The following MMP16 variants were observed in gnomAD, a reference collection of about 807,000 sequenced individuals.
MMP16 encodes matrix metallopeptidase 16, also known as matrix metalloproteinase-16.
Under a neutral mutation model 67.8 loss-of-function variants are expected in MMP16, and 12 were observed. The ratio of observed to expected loss-of-function variants is 0.18; its 90% CI spans 0.11 to 0.29. The LOEUF is 0.29. MMP16 is among the 10% of genes least tolerant of loss of function. The probability of loss-of-function intolerance (pLI) is 1.00; values close to 1 mark genes in which losing one functional copy is unlikely to be tolerated. For synonymous variants in MMP16, 249 were observed against 255.9 expected, an observed-to-expected ratio of 0.97 and a Z score of 0.26; for missense variants, 475 against 765.7, an observed-to-expected ratio of 0.62 and a Z score of 4.48.
Position 88,283,717 on chromosome 8 carries a change from A to G in MMP16, c.132+43358T>C, listed in dbSNP as rs766007969. ...AAACCAAACAACCAAAAATGCTTTA[A>G]AATTTTTTATTAATAATCATGAGGT... is the stretch of plus-strand genomic sequence containing the variant. On this transcript the variant is annotated intron_variant, in intron 1 of 9. Coordinates refer to ENST00000286614, the MANE Select transcript of MMP16 (RefSeq NM_005941.5). Among the ~76,000 whole-genome samples, 113 of 152,192 alleles carry G rather than the reference A, an allele frequency of 7.4e-4. 1 individual carries two copies. The highest frequency in any genetic ancestry group is 1.3e-3 in the Non-Finnish European group (86 of 68,042).
chr8:88,321,454 TA>T (rs1811458811), intron 1 of MMP16, among the ~76,000 whole-genome samples: 1 of 152,198 alleles, frequency 6.6e-6, no homozygotes, highest in South Asian at 2.1e-4. Context: ...AATTAATTTT[TA>T]AGGTTTGCTA....
chr8:88,104,488 G>C (rs1350637169), intron 6 of MMP16, among the ~76,000 whole-genome samples: 1 of 151,576 alleles, frequency 6.6e-6, no homozygotes, highest in Non-Finnish European at 1.5e-5. Context: ...TGATGATGTA[G>C]CCATCATAAC....
At chr8:88,131,262 GTAT>G (rs2076403057) in intron 4 of MMP16, among the ~76,000 whole-genome samples, 1 of 115,276 alleles carries the variant, frequency 8.7e-6, no homozygotes, top group Non-Finnish European at 1.8e-5. Context: ...ACTATCTATA[GTAT>G]TATACACACA....
intron 1 of MMP16, among the ~76,000 whole-genome samples, chr8:88,318,457 C>T (rs73692226): frequency 0.066 from 9,975 of 152,062 alleles, 545 homozygotes; most frequent in Admixed American, 0.12. Context: ...AATATTTTTC[C>T]ACTATACATA....
chr8:88,056,149 G>A lies in MMP16; in HGVS notation c.1352C>T (p.Thr451Ile). 1 of 1,578,694 alleles carries A rather than the reference G, an allele frequency of 6.3e-7. No homozygotes were observed. Among genetic ancestry groups the A allele is most frequent in the Non-Finnish European group, 8.6e-7 (1 of 1,160,042 alleles). The change falls in exon 8 of 10, where the codon ACC becomes ATC. Residue 451 changes from threonine (T) to isoleucine (I), a missense_variant. Thr to Ile is a moderately conservative substitution (Grantham distance 89). This residue lies in a region of MMP16 where 195 missense variants were observed against 300.9 expected (regional missense o/e 0.65). Transcript: ENST00000286614. ...SAIWWEDVGKTYFFKGDRYWR... is the reference protein window; with the variant it reads ...SAIWWEDVGKIYFFKGDRYWR... Reference sequence around the variant, plus strand: ...TGACCTGTCTCCCTTGAAGAAATAGGTTTTCCCGACGTCCTCCCACCAAAT... The same window carrying A: ...TGACCTGTCTCCCTTGAAGAAATAGATTTTCCCGACGTCCTCCCACCAAAT...
chr8:88,269,987 G>C (rs1810540208), intron 1 of MMP16, among the ~76,000 whole-genome samples: 1 of 152,132 alleles, frequency 6.6e-6, no homozygotes, highest in Non-Finnish European at 1.5e-5. Context: ...TATTTAGTTA[G>C]AATCAAGTAT....
intron 1 of MMP16, among the ~76,000 whole-genome samples, chr8:88,296,955 A>T (rs190530399): frequency 2.4e-4 from 36 of 152,130 alleles, no homozygotes; most frequent in African/African-American, 7.9e-4. Flanking sequence ...AAAAAAAAGC[A>T]AATTCAAAAT....
intron 1 of MMP16, among the ~76,000 whole-genome samples, chr8:88,233,412 T>G (rs1386225866): frequency 2.0e-5 from 3 of 152,138 alleles, no homozygotes; most frequent in Non-Finnish European, 2.9e-5. Flanking sequence ...CTCACCATAA[T>G]GTCCTATCCT....
rs114838147 is a variant in MMP16, at chr8:88,262,346, A to G, written c.132+64729T>C. On this transcript the variant is annotated intron_variant, in intron 1 of 9. Coordinates refer to ENST00000286614, the MANE Select transcript of MMP16 (RefSeq NM_005941.5). ...GTGTTTGTATTTGATTTGATTCTCA[A>G]GATTTTCCAAGAGCTTGGCATGTTG... Among the ~76,000 whole-genome samples, 882 of 152,316 alleles carry G rather than the reference A, an allele frequency of 5.8e-3. 8 individuals carry two copies. The highest frequency in any genetic ancestry group is 0.02 in the African/African-American group (828 of 41,570).
intron 2 of MMP16, 21 bp downstream of exon 2, chr8:88,197,137 A>G (rs1477361063): frequency 6.2e-7 from 1 of 1,602,194 alleles, no homozygotes; most frequent in Admixed American, 1.8e-5. Flanking sequence ...AAAAGAAAGG[A>G]GGATGGGAGC....
At chr8:88,081,031 G>C (rs1032667688) in intron 6 of MMP16, among the ~76,000 whole-genome samples, 4 of 152,048 alleles carry the variant, frequency 2.6e-5, no homozygotes, top group African/African-American at 7.2e-5. Context: ...TCTCCACTGT[G>C]GGGTAAACCT....
At chr8:88,177,492 A>C (rs1402879053) in intron 3 of MMP16, among the ~76,000 whole-genome samples, 1 of 151,918 alleles carries the variant, frequency 6.6e-6, no homozygotes, top group African/African-American at 2.4e-5. Flanking sequence ...TTAGGGGTGG[A>C]GGGCGGGGAG....
chr8:88,227,234 T>C (rs955951255), intron 1 of MMP16, among the ~76,000 whole-genome samples: 1 of 152,008 alleles, frequency 6.6e-6, no homozygotes, highest in Non-Finnish European at 1.5e-5. Flanking sequence ...ATTCTTACAA[T>C]ATACATATAG....
At chr8:88,227,972 T>C (rs1586215289) in intron 1 of MMP16, among the ~76,000 whole-genome samples, 1 of 152,102 alleles carries the variant, frequency 6.6e-6, no homozygotes, top group African/African-American at 2.4e-5. Flanking sequence ...AATTTAGGAA[T>C]TGGCAATGAC....
At chr8:88,290,022 T>G (rs1186456881) in intron 1 of MMP16, among the ~76,000 whole-genome samples, 31 of 152,178 alleles carry the variant, frequency 2.0e-4, no homozygotes, top group Admixed American at 2.0e-3. Flanking sequence ...ACATGCCTAC[T>G]GGGTGACACA....
intron 4 of MMP16, 66 bp downstream of exon 4, chr8:88,167,603 T>C: frequency 1.4e-6 from 2 of 1,444,122 alleles, no homozygotes; most frequent in Non-Finnish European, 9.3e-7. Flanking sequence ...TGTAAATTGT[T>C]AAATCTCTTG....
chr8:88,299,795 T>C (rs1260672675), intron 1 of MMP16, among the ~76,000 whole-genome samples: 1 of 152,330 alleles, frequency 6.6e-6, no homozygotes, highest in African/African-American at 2.4e-5. Context: ...TGTGAGTCTA[T>C]AAAATTGTTT....
intron 1 of MMP16, among the ~76,000 whole-genome samples, chr8:88,249,912 T>C (rs1810180379): frequency 6.6e-6 from 1 of 152,120 alleles, no homozygotes; most frequent in Non-Finnish European, 1.5e-5. Flanking sequence ...CTATTCAATA[T>C]TTTGTCTGAT....
intron 6 of MMP16, among the ~76,000 whole-genome samples, chr8:88,080,020 C>G (rs1412396478): frequency 6.6e-6 from 1 of 152,210 alleles, no homozygotes; most frequent in Non-Finnish European, 1.5e-5. Flanking sequence ...TCTCATGGTA[C>G]TCTGCACTTT....
Sources: allele counts gnomAD v4.1 joint callset (sites outside exome capture counted in the v4.1 genomes callset), GRCh38; gene constraint gnomAD v4.1.1; regional missense constraint gnomAD v4.1.1; transcripts MANE v1.5; gene names NCBI Gene and HGNC (gene_info 2026-07-23, HGNC 2026-07-21).